The following ESRRB variants were observed in gnomAD, a reference collection of about 807,000 sequenced individuals.
ESRRB encodes the protein estrogen related receptor beta, also known as steroid hormone receptor ERR2.
ESRRB carries 16 observed loss-of-function variants against 46.0 expected under a neutral mutation model. The observed-to-expected ratio is 0.35, with a 90% CI of 0.24 to 0.53. The LOEUF (loss-of-function observed/expected upper bound fraction) is 0.53. Among genes scored for constraint, ESRRB ranks in the 20% least tolerant of loss-of-function variants. ESRRB has a pLI of 0.93. For synonymous variants in ESRRB, 246 were observed against 259.6 expected, an observed-to-expected ratio of 0.95 and a Z score of 0.50; for missense variants, 488 against 607.4, an observed-to-expected ratio of 0.80 and a Z score of 2.07.
rs192036545 is a variant in ESRRB at position 76,490,241 on chromosome 14, C to T, written c.851-1206C>T. Among the ~76,000 whole-genome samples, 229 of 152,318 alleles carry T rather than the reference C, an allele frequency of 1.5e-3. 2 individuals carry two copies. The highest frequency in any genetic ancestry group is 9.8e-4 in the Non-Finnish European group (67 of 68,032). On this transcript the variant is annotated intron_variant, in intron 5 of 6. Transcript: ENST00000644823. ...AATCACTGAGTTTCTGTTTGAATCT[C>T]CAGTGAAGTTACTGCCTTGTGTTTG...
intron 1 of ESRRB, among the ~76,000 whole-genome samples, chr14:76,339,327 A>G (rs559613245): frequency 4.5e-4 from 69 of 152,288 alleles, no homozygotes; most frequent in Non-Finnish European, 8.4e-4. Context: ...CGGGGATACT[A>G]CCATCACTTA....
intron 1 of ESRRB, among the ~76,000 whole-genome samples, chr14:76,377,583 CTT>C (rs934054244): frequency 1.3e-5 from 2 of 152,090 alleles, no homozygotes; most frequent in Middle Eastern, 6.3e-3. Flanking sequence ...TCGTCTTCCT[CTT>C]TTTTTTCTGA....
chr14:76,320,018 A>G (rs1883849271), intron 1 of ESRRB, among the ~76,000 whole-genome samples: 1 of 152,172 alleles, frequency 6.6e-6, no homozygotes, highest in Non-Finnish European at 1.5e-5. Context: ...AAATGGATAT[A>G]TGCTCATTGG....
chr14:76,364,490 A>G (rs1399967178), intron 1 of ESRRB, among the ~76,000 whole-genome samples: 1 of 152,026 alleles, frequency 6.6e-6, no homozygotes, highest in African/African-American at 2.4e-5. Context: ...GGAGTTCAAG[A>G]CCAGCTTGGC....
intron 1 of ESRRB, among the ~76,000 whole-genome samples, chr14:76,423,169 A>T (rs1595102717): frequency 7.7e-6 from 1 of 129,844 alleles, no homozygotes. Flanking sequence ...TTTTTGAGAG[A>T]GTCTCACTCT....
chr14:76,394,792 C>T (rs1249785838), intron 1 of ESRRB, among the ~76,000 whole-genome samples: 4 of 152,310 alleles, frequency 2.6e-5, no homozygotes, highest in South Asian at 2.1e-4. Flanking sequence ...TCAGTGATGT[C>T]ACTGTGCCAG....
chr14:76,488,611 C>T (rs977147981), intron 5 of ESRRB, among the ~76,000 whole-genome samples: 6 of 152,152 alleles, frequency 3.9e-5, no homozygotes, highest in Non-Finnish European at 7.4e-5. Context: ...AAAGTTTTGT[C>T]GGGCAGCTTC....
At chr14:76,323,473 C>T (rs2139728976) in intron 1 of ESRRB, among the ~76,000 whole-genome samples, 1 of 152,132 alleles carries the variant, frequency 6.6e-6, no homozygotes, top group South Asian at 2.1e-4. Context: ...CTATGCCTGG[C>T]TAATTTTTTT....
intron 1 of ESRRB, among the ~76,000 whole-genome samples, chr14:76,322,443 AC>A (rs1442593701): frequency 1.3e-5 from 2 of 152,126 alleles, no homozygotes; most frequent in East Asian, 3.9e-4. Flanking sequence ...ATTTTCCCCT[AC>A]CTTATCACGT....
chr14:76,415,848 C>T (rs1405201535), intron 1 of ESRRB, among the ~76,000 whole-genome samples: 2 of 152,118 alleles, frequency 1.3e-5, no homozygotes, highest in Non-Finnish European at 1.5e-5. Context: ...CACAGCAACA[C>T]TCTAAGTAAA....
chr14:76,364,089 C>T, intron 1 of ESRRB, among the ~76,000 whole-genome samples: 1 of 152,104 alleles, frequency 6.6e-6, no homozygotes, highest in East Asian at 1.9e-4. Context: ...TCCTGCTGCC[C>T]CTGGTCATTG....
chr14:76,432,530 G>A (rs766914772), intron 1 of ESRRB, among the ~76,000 whole-genome samples: 68 of 152,172 alleles, frequency 4.5e-4, no homozygotes, highest in Non-Finnish European at 7.8e-4. Context: ...CAGAGTCACT[G>A]CAGGCTGAGT....
intron 1 of ESRRB, among the ~76,000 whole-genome samples, chr14:76,339,351 G>T (rs1182788370): frequency 6.6e-6 from 1 of 152,172 alleles, no homozygotes; most frequent in East Asian, 1.9e-4. Flanking sequence ...TGTAGGATTT[G>T]TTGTGAGGAT....
intron 1 of ESRRB, among the ~76,000 whole-genome samples, chr14:76,414,471 C>T (rs1389353234): frequency 1.3e-5 from 2 of 151,030 alleles, no homozygotes; most frequent in African/African-American, 4.9e-5. Context: ...TTCGGAGGGC[C>T]CTGAGTTGTG....
chr14:76,350,846 G>T (rs898786309), intron 1 of ESRRB, among the ~76,000 whole-genome samples: 1 of 152,186 alleles, frequency 6.6e-6, no homozygotes, highest in African/African-American at 2.4e-5. Context: ...CTGTCCTTCG[G>T]CAGGAATCAA....
chr14:76,461,221 G>A (rs185066439), intron 2 of ESRRB, among the ~76,000 whole-genome samples: 1 of 152,280 alleles, frequency 6.6e-6, no homozygotes, highest in Admixed American at 6.5e-5. Context: ...TAAGACCTCT[G>A]TGTTCACACT....
At chr14:76,478,639 A>G (rs1234795069) in intron 3 of ESRRB, among the ~76,000 whole-genome samples, 1 of 151,936 alleles carries the variant, frequency 6.6e-6, no homozygotes, top group East Asian at 1.9e-4. Flanking sequence ...GGGGGCCCTT[A>G]CTGTCTCTTA....
intron 1 of ESRRB, among the ~76,000 whole-genome samples, chr14:76,395,913 G>A (rs1373777765): frequency 6.6e-6 from 1 of 152,044 alleles, no homozygotes; most frequent in Non-Finnish European, 1.5e-5. Context: ...GGTGGCTGAC[G>A]CCTGTAATCT....
In ESRRB at chr14:76,435,701, G is replaced by A. The variant is rs755455414; in HGVS notation, c.51-3640G>A. ...CAAAAATTAGTCAGTCGTGGTGGCG[G>A]GAGCCTGTAATTCCAGCTTCTCAGG... On this transcript the variant is annotated intron_variant, in intron 1 of 6. Coordinates refer to ENST00000644823, the MANE Select transcript of ESRRB (RefSeq NM_001379180.1). 5.9e-5 allele frequency among the ~76,000 whole-genome samples: 9 copies of A among 152,160 alleles called. 1 individual carries two copies. The highest frequency in any genetic ancestry group is 1.3e-4 in the Non-Finnish European group (9 of 68,032).
Sources: allele counts gnomAD v4.1 joint callset (sites outside exome capture counted in the v4.1 genomes callset), GRCh38; gene constraint gnomAD v4.1.1; transcripts MANE v1.5; gene names NCBI Gene and HGNC (gene_info 2026-07-23, HGNC 2026-07-21).